The following SLIT1 variants were observed in gnomAD, a reference collection of about 807,000 sequenced individuals.
The protein encoded by SLIT1 is slit guidance ligand 1.
A neutral mutation model predicts 186.1 loss-of-function variants in SLIT1; 66 were observed. That is an observed-to-expected ratio of 0.35 (90% CI 0.29 to 0.44). The LOEUF is 0.44. SLIT1 is among the 20% of genes least tolerant of loss of function. SLIT1 has a pLI of 1.00. For synonymous variants in SLIT1, 761 were observed against 833.8 expected, an observed-to-expected ratio of 0.91 and a Z score of 1.50; for missense variants, 1,638 against 2,037.4, an observed-to-expected ratio of 0.80 and a Z score of 3.77.
intron 20 of SLIT1, 49 bp from the exon 21 acceptor site, chr10:97,040,169 G>GT (rs2134619268): frequency 6.7e-7 from 1 of 1,492,120 alleles, no homozygotes; most frequent in South Asian, 1.4e-5. Flanking sequence ...ACGGGCCGCT[G>GT]TAGGGCCTCC....
At position 97,040,070 on chromosome 10, in the gene SLIT1, C is replaced by A; in HGVS notation, c.2215G>T (p.Ala739Ser). ...CATCGGACCACGGTGTCCAGGCAGG[C>A]GCACTCCTGTGGGCACTGTGGGCGG... ...LPRPQCPQEC[A>S]CLDTVVRCSN... The change falls in exon 21 of 37, where the codon GCC becomes TCC. Residue 739 changes from alanine to serine, a missense_variant. By Grantham distance (99) the Ala-to-Ser change is moderately conservative. Transcript: ENST00000266058. The A allele has an allele frequency of 6.2e-7, 1 of 1,609,392 alleles. No individual in the cohort carries two copies. Among genetic ancestry groups the A allele is most frequent in the Admixed American group, 1.7e-5 (1 of 59,516 alleles).
At position 97,046,905 on chromosome 10, in the gene SLIT1, G is replaced by A. The variant is rs375600687; in HGVS notation, c.1709+86C>T. Reference sequence around the variant, plus strand: ...ACACACAGAGTCCTGGCCCCCCGCCGTGGGAGCTGCCCCCACCCTGGCATT... The same window carrying A: ...ACACACAGAGTCCTGGCCCCCCGCCATGGGAGCTGCCCCCACCCTGGCATT... On this transcript the variant is annotated intron_variant, in intron 17 of 36. Coordinates refer to ENST00000266058, the MANE Select transcript of SLIT1 (RefSeq NM_003061.3). 8.3e-6 allele frequency: 13 copies of A among 1,566,530 alleles called. No individual in the cohort carries two copies. In the East Asian group the frequency reaches 1.3e-4, roughly 16 times the overall value.
chr10:97,098,929 G>C (rs569482989), intron 4 of SLIT1, among the ~76,000 whole-genome samples: 1 of 152,146 alleles, frequency 6.6e-6, no homozygotes. Flanking sequence ...AGTGGCCCTG[G>C]ACAGGACACT....
intron 26 of SLIT1, among the ~76,000 whole-genome samples, chr10:97,019,907 C>T (rs11188989): frequency 0.017 from 2,606 of 152,196 alleles, 76 homozygotes; most frequent in East Asian, 0.092. Context: ...TTTTCAGCAA[C>T]GACTAGCACA....
At chr10:97,180,462 T>C (rs1850319808) in intron 1 of SLIT1, among the ~76,000 whole-genome samples, 1 of 152,202 alleles carries the variant, frequency 6.6e-6, no homozygotes, top group Non-Finnish European at 1.5e-5. Flanking sequence ...ATGTCATTCA[T>C]CTCTATCTCC....
At chr10:97,111,424 A>T (rs1437489220) in intron 4 of SLIT1, among the ~76,000 whole-genome samples, 3 of 152,114 alleles carry the variant, frequency 2.0e-5, no homozygotes, top group Non-Finnish European at 4.4e-5. Context: ...ACTATGCAAG[A>T]TGGGTGTCAT....
At chr10:97,179,429 A>C (rs2134746019) in intron 1 of SLIT1, among the ~76,000 whole-genome samples, 1 of 152,308 alleles carries the variant, frequency 6.6e-6, no homozygotes, top group Admixed American at 6.5e-5. Context: ...CCCGTCTCAA[A>C]AAAATCATCT....
Position 97,184,750 on chromosome 10 carries a change from T to C in SLIT1, c.197+728A>G, listed in dbSNP as rs953752346. ...CCTTGGGCCCCCCTCTCCAAGCTCC[T>C]GACTTCTTGGCATTATCCACCGGGT... On this transcript the variant is annotated intron_variant, in intron 1 of 36. Coordinates refer to ENST00000266058, the MANE Select transcript of SLIT1 (RefSeq NM_003061.3). This position sits in a 1 kb window ranked among gnomAD's most constrained non-coding sequence, Gnocchi z 4.4. 1.3e-5 allele frequency among the ~76,000 whole-genome samples: 2 copies of C among 152,194 alleles called. No homozygotes were observed. The highest frequency in any genetic ancestry group is 4.8e-5 in the African/African-American group (2 of 41,444).
chr10:97,146,146 C>A (rs1849814787), intron 4 of SLIT1, among the ~76,000 whole-genome samples: 1 of 152,212 alleles, frequency 6.6e-6, no homozygotes, highest in Non-Finnish European at 1.5e-5. Flanking sequence ...ATTCCAGCCC[C>A]AAATCAAAGA....
intron 4 of SLIT1, among the ~76,000 whole-genome samples, chr10:97,132,795 G>A (rs930688513): frequency 4.6e-5 from 7 of 152,138 alleles, no homozygotes; most frequent in African/African-American, 1.7e-4. Context: ...CAATCTCCAG[G>A]GCCGGTGGGG....
chr10:97,085,448 C>A (rs543366090), intron 4 of SLIT1, among the ~76,000 whole-genome samples: 7 of 151,402 alleles, frequency 4.6e-5, no homozygotes, highest in African/African-American at 1.7e-4. Flanking sequence ...AGGACAGTGG[C>A]ACAATCTTGG....
intron 2 of SLIT1, 23 bp downstream of exon 2, chr10:97,164,796 G>C: frequency 6.3e-7 from 1 of 1,587,818 alleles, no homozygotes; most frequent in Non-Finnish European, 8.6e-7. Flanking sequence ...GGGGTGGGGT[G>C]GGAGGGAGCA....
At chr10:97,046,952 G>A (rs1186722832) in intron 17 of SLIT1, 39 bp downstream of exon 17, 4 of 1,569,036 alleles carry the variant, frequency 2.5e-6, no homozygotes, top group Non-Finnish European at 2.6e-6. Context: ...TCCCTGGCCA[G>A]CATCCCAACA....
At chr10:97,126,290 G>T (rs543112742) in intron 4 of SLIT1, among the ~76,000 whole-genome samples, 1 of 152,244 alleles carries the variant, frequency 6.6e-6, no homozygotes, top group Non-Finnish European at 1.5e-5. Flanking sequence ...CATGGGACAC[G>T]TGGGACATGG....
At chr10:97,145,395 C>T (rs1483090538) in intron 4 of SLIT1, among the ~76,000 whole-genome samples, 4 of 152,108 alleles carry the variant, frequency 2.6e-5, no homozygotes, top group African/African-American at 4.8e-5. Flanking sequence ...GGATTACAGG[C>T]GTGAGCCACT....
At chr10:97,127,750 GA>G (rs1647141490) in intron 4 of SLIT1, among the ~76,000 whole-genome samples, 1 of 152,180 alleles carries the variant, frequency 6.6e-6, no homozygotes, top group Non-Finnish European at 1.5e-5. Context: ...AAGCACAGCG[GA>G]GAAACCAGCA....
intron 34 of SLIT1, among the ~76,000 whole-genome samples, chr10:97,003,316 T>C (rs1848329303): frequency 6.6e-6 from 1 of 152,176 alleles, no homozygotes. Context: ...GACGCTAGCT[T>C]TTACCTCCCA....
At chr10:97,002,088 G>A in intron 36 of SLIT1, 70 bp downstream of exon 36, 5 of 1,031,336 alleles carry the variant, frequency 4.8e-6, no homozygotes, top group Non-Finnish European at 6.8e-6. Context: ...AGACTGGGAG[G>A]AAGAGTCAAA....
At chr10:97,026,114 A>T (rs1014623793) in intron 25 of SLIT1, among the ~76,000 whole-genome samples, 3 of 152,182 alleles carry the variant, frequency 2.0e-5, no homozygotes, top group African/African-American at 7.2e-5. Context: ...TCCTGTGTAT[A>T]TGTTTGTACA....
Sources: gnomAD v4.1 joint callset for allele counts (sites outside exome capture counted in the v4.1 genomes callset) on GRCh38, gnomAD v4.1.1 for gene constraint, Gnocchi (gnomAD v3.1) non-coding constraint, MANE v1.5 for transcripts, NCBI Gene and HGNC (gene_info 2026-07-23, HGNC 2026-07-21) for gene names.